The following DNAH17 variants were observed in gnomAD, a reference collection of about 807,000 sequenced individuals.
The protein encoded by DNAH17 is axonemal beta dynein heavy chain 17.
Under a neutral mutation model 485.6 loss-of-function variants are expected in DNAH17, and 376 were observed. The ratio of observed to expected loss-of-function variants is 0.77; its 90% CI spans 0.71 to 0.84. DNAH17 has a LOEUF of 0.84. Ranked by LOEUF, DNAH17 falls within the 40% of genes least tolerant of loss-of-function variation. The pLI is 0.00. For synonymous variants in DNAH17, 3,031 were observed against 2,405.9 expected (o/e 1.26, Z -7.60); for missense variants, 6,370 against 5,839.3 (o/e 1.09, Z -2.96).
At chr17:78,541,782 A>T (rs1301695302) in intron 17 of DNAH17, among the ~76,000 whole-genome samples, 1 of 152,054 alleles carries the variant, frequency 6.6e-6, no homozygotes, top group Non-Finnish European at 1.5e-5. Context: ...CCCTAAGTCA[A>T]ATCTCTCTCC....
At position 78,566,988 on chromosome 17, in the gene DNAH17, C is replaced by A. The variant is rs748563327; in HGVS notation, c.1452+11G>T. 1 of 1,604,578 alleles carries A rather than the reference C, an allele frequency of 6.2e-7. No homozygotes were observed. The highest frequency in any genetic ancestry group is 8.5e-7 in the Non-Finnish European group (1 of 1,174,626). ...CGAGTCCAGTTCATCCAACCCTGCC[C>A]GAGGACCTACCGAGTCTCCAGGGTC... On this transcript the variant is annotated intron_variant, in intron 10 of 80. Coordinates refer to ENST00000389840, the MANE Select transcript of DNAH17 (RefSeq NM_173628.4).
At chr17:78,551,679 T>C (rs1040098000) in intron 15 of DNAH17, 41 bp from the exon 16 acceptor site, 2 of 1,599,672 alleles carry the variant, frequency 1.3e-6, no homozygotes, top group African/African-American at 2.7e-5. Context: ...AATGAACAAT[T>C]CAGGCTGGGC....
chr17:78,553,283 G>GGTGTTTTTTT (rs2091944708), intron 14 of DNAH17, among the ~76,000 whole-genome samples: 2 of 51,018 alleles, frequency 3.9e-5, no homozygotes, highest in African/African-American at 1.8e-4. Context: ...AGGTTTTTGT[G>GGTGTTTTTTT]TTTTTTTTTT....
chr17:78,458,219 G>A (rs531115158), intron 62 of DNAH17, among the ~76,000 whole-genome samples: 2 of 152,216 alleles, frequency 1.3e-5, no homozygotes, highest in African/African-American at 4.8e-5. Context: ...AAACCATGAT[G>A]TAATCCGTGA....
chr17:78,435,304 A>T (rs998800844), intron 74 of DNAH17, among the ~76,000 whole-genome samples: 2 of 152,036 alleles, frequency 1.3e-5, no homozygotes, highest in South Asian at 4.1e-4. Context: ...GGTGCTTTTC[A>T]CCAGCCTACC....
rs566363952 is a variant in DNAH17 at position 78,426,841 on chromosome 17, G to A, written c.12771+85C>T. ...AGTACCATGCTGATCCGGGGCCTGTGCTAGGCCTGGGTTGCCAGAGGCCTG... is the reference window on the plus strand; with the variant it reads ...AGTACCATGCTGATCCGGGGCCTGTACTAGGCCTGGGTTGCCAGAGGCCTG... On this transcript the variant is annotated intron_variant, in intron 78 of 80. Transcript: ENST00000389840. 3.0e-5 allele frequency: 44 copies of A among 1,490,566 alleles called. No homozygotes were observed. In the Middle Eastern group the frequency reaches 2.8e-3, roughly 94 times the overall value. 92.3% of individuals were successfully genotyped at this position (1,490,566 alleles called of 1,614,324 possible).
In DNAH17 at chr17:78,574,748, T is replaced by C; in HGVS notation, c.310A>G (p.Thr104Ala). The change falls in exon 2 of 81, where the codon ACA (threonine) becomes GCA (alanine). Residue 104 changes from threonine (T) to alanine (A), a missense_variant. Thr to Ala is a moderately conservative substitution (Grantham distance 58). Coordinates refer to ENST00000389840, the MANE Select transcript of DNAH17 (RefSeq NM_173628.4). ...ACCGCGATCAGCTGGTCCACGGGTG[T>C]GGGGCTGATGTCGCCGTAAAGGAGC... ...ARLLYGDISP[T>A]PVDQLIAVVE... The C allele has an allele frequency of 6.2e-7, 1 of 1,613,148 alleles. No homozygotes were observed. Among genetic ancestry groups the C allele is most frequent in the South Asian group, 1.1e-5 (1 of 90,990 alleles).
At position 78,516,685 on chromosome 17, in the gene DNAH17, A is replaced by C. The variant is rs2090790286; in HGVS notation, c.3865-1663T>G. Reference sequence around the variant, plus strand: ...AGCCTGGGCCACAGAGCAAGACTCCATCTCAGAAAAAAAAAAAAAAAAAAA... The same window carrying C: ...AGCCTGGGCCACAGAGCAAGACTCCCTCTCAGAAAAAAAAAAAAAAAAAAA... On this transcript the variant is annotated intron_variant, in intron 25 of 80. Transcript: ENST00000389840. 1.6e-5 allele frequency among the ~76,000 whole-genome samples: 2 copies of C among 125,528 alleles called. 1 individual carries two copies. Among genetic ancestry groups the C allele is most frequent in the Admixed American group, 1.7e-4 (2 of 11,816 alleles). The allele number at this position is 125,528 out of a possible 152,430, so 82.4% of individuals were successfully genotyped here. A position where few individuals can be genotyped will look rare whatever the true frequency, so the allele number is the denominator to read the frequency against.
intron 18 of DNAH17, among the ~76,000 whole-genome samples, chr17:78,539,269 G>A (rs1423208801): frequency 2.0e-5 from 3 of 152,224 alleles, no homozygotes; most frequent in African/African-American, 7.2e-5. Flanking sequence ...GATACAGGTA[G>A]GAAAGGGGCC....
Position 78,449,575 on chromosome 17 carries a change from C to G in DNAH17, c.11050G>C (p.Val3684Leu). ...CTCTGGATGGCTTTCTCAAACACCA[C>G]GTTGAAGGCCTGGGGATCCGCCACC... ...VYQFSLKAFN[V>L]VFEKAIQRTT... Residue 3684 changes from valine (V) to leucine (L), a missense_variant, in exon 69 of 81, where the codon GTG (valine) becomes CTG (leucine). Physicochemically the swap from Val to Leu is conservative, Grantham distance 32. Transcript: ENST00000389840. 6.2e-7 allele frequency: 1 copy of G among 1,604,706 alleles called. No homozygotes were observed. The highest frequency in any genetic ancestry group is 8.5e-7 in the Non-Finnish European group (1 of 1,174,984).
In DNAH17 at chr17:78,450,408, AAAGGGGTGTG is replaced by A; in HGVS notation, c.10900-24_10900-15del. The A allele has an allele frequency of 6.2e-7, 1 of 1,613,418 alleles. No homozygotes were observed. The highest frequency in any genetic ancestry group is 8.5e-7 in the Non-Finnish European group (1 of 1,179,726). The stretch of plus-strand genomic sequence containing the variant: ...TGCCTCCACCACCTCGACACAAACA[AAAGGGGTGTG>A]AATGACACAGCAGATGGGCAGTGCC... On this transcript the variant is annotated splice_polypyrimidine_tract_variant and intron_variant, in intron 67 of 80. Coordinates refer to ENST00000389840, the MANE Select transcript of DNAH17 (RefSeq NM_173628.4).
chr17:78,462,973 G>A lies in DNAH17; in HGVS notation c.9045C>T (p.Thr3015=), dbSNP rs778377052. The change falls in exon 57 of 81, where the codon ACC becomes ACT. Residue 3015 remains threonine (T), a synonymous_variant. Coordinates refer to ENST00000389840, the MANE Select transcript of DNAH17 (RefSeq NM_173628.4). ...TCTGCTCCAGAAAGGTTTTGGGTGT[G>A]GTGTAGTTGTAGCGCCTCTCAGTAG... is the stretch of plus-strand genomic sequence containing the variant. ...YLATERRYNY[T]TPKTFLEQIK... 25 of 1,613,846 alleles carry A rather than the reference G, an allele frequency of 1.5e-5. No homozygotes were observed. Among genetic ancestry groups the A allele is most frequent in the African/African-American group, 4.0e-5 (3 of 74,904 alleles).
rs1598421140 is a variant in DNAH17, at chr17:78,423,748, A to G, written c.*158T>C. 1.0e-6 allele frequency: 1 copy of G among 956,048 alleles called. No homozygotes were observed. The highest frequency in any genetic ancestry group is 1.6e-5 in the South Asian group (1 of 63,594). The allele number at this position is 956,048 out of a possible 1,614,324, so 59.2% of individuals were successfully genotyped here. ...CCCCACCTCTTCCACACCAACCTCC[A>G]CCCTCTGGTTCCGATGTGCTTGGTT... On this transcript the variant is annotated 3_prime_UTR_variant, in exon 81 of 81. Transcript: ENST00000389840.
intron 73 of DNAH17, among the ~76,000 whole-genome samples, chr17:78,438,492 GTCA>G (rs990117999): frequency 7.6e-6 from 1 of 131,206 alleles, no homozygotes; most frequent in Non-Finnish European, 1.6e-5. Flanking sequence ...CCCAGCACTT[GTCA>G]TCTTTTTTTT....
intron 54 of DNAH17, chr17:78,472,775 G>T (rs780010024): frequency 2.2e-6 from 1 of 454,392 alleles, no homozygotes; most frequent in Non-Finnish European, 4.4e-6. Context: ...CTCCCTTCTC[G>T]TCGCACCTGC....
At chr17:78,556,804 C>A (rs1033672817) in intron 14 of DNAH17, among the ~76,000 whole-genome samples, 1 of 152,212 alleles carries the variant, frequency 6.6e-6, no homozygotes, top group Non-Finnish European at 1.5e-5. Flanking sequence ...CCATGCGACA[C>A]ATTGCCACTC....
At position 78,569,414 on chromosome 17, in the gene DNAH17, C is replaced by T. The variant is rs779011710; in HGVS notation, c.1158G>A (p.Thr386=). ...AVNVLKELYQ[T]YDFCCVNMKL... Reference sequence around the variant, plus strand: ...TCATGTTCACGCAGCAGAAGTCGTACGTCTGGTAGAGCTCCTTCAGCACAT... The same window carrying T: ...TCATGTTCACGCAGCAGAAGTCGTATGTCTGGTAGAGCTCCTTCAGCACAT... The change falls in exon 8 of 81, where the codon ACG becomes ACA. Residue 386 remains threonine, a synonymous_variant. Transcript: ENST00000389840. 26 of 1,612,708 alleles carry T rather than the reference C, an allele frequency of 1.6e-5. No individual in the cohort carries two copies. Among genetic ancestry groups the T allele is most frequent in the East Asian group, 6.7e-5 (3 of 44,862 alleles).
At position 78,501,329 on chromosome 17, in the gene DNAH17, C is replaced by A. The variant is rs774673257; in HGVS notation, c.5338G>T (p.Ala1780Ser). 6.3e-7 allele frequency: 1 copy of A among 1,595,372 alleles called. No individual in the cohort carries two copies. Among genetic ancestry groups the A allele is most frequent in the Non-Finnish European group, 8.6e-7 (1 of 1,165,264 alleles). ...MIVAKVESSQ[A>S]FTWQAQLRHR... ...CGGAGCTGGGCCTGCCAGGTGAAGGCCTGAGAACTCTCCACCTGCAGGATG... is the reference window on the plus strand; with the variant it reads ...CGGAGCTGGGCCTGCCAGGTGAAGGACTGAGAACTCTCCACCTGCAGGATG... The change falls in exon 35 of 81, where the codon GCC becomes TCC. Residue 1780 changes from alanine to serine, a missense_variant. Transcript: ENST00000389840.
intron 55 of DNAH17, among the ~76,000 whole-genome samples, chr17:78,468,041 AGAG>A (rs1285708741): frequency 1.4e-5 from 2 of 143,542 alleles, no homozygotes; most frequent in Non-Finnish European, 3.0e-5. Context: ...AAAGAGAGAG[AGAG>A]AGAGTATCAA....
Sources: gnomAD v4.1 joint callset for allele counts (sites outside exome capture counted in the v4.1 genomes callset) on GRCh38, gnomAD v4.1.1 for gene constraint, MANE v1.5 for transcripts, NCBI Gene and HGNC (gene_info 2026-07-23, HGNC 2026-07-21) for gene names.